Variants in RBKS observed in about 807,000 individuals in gnomAD.
RBKS encodes ribokinase.
RBKS carries 33 observed loss-of-function variants against 33.9 expected under a neutral mutation model. The ratio of observed to expected loss-of-function variants is 0.97; its 90% CI spans 0.74 to 1.30. The LOEUF is 1.30. RBKS is among the 50% of genes most tolerant of loss of function. The probability of loss-of-function intolerance (pLI) is 0.00; values close to 1 mark genes in which losing one functional copy is unlikely to be tolerated. For synonymous variants in RBKS, 125 were observed against 143.0 expected, an observed-to-expected ratio of 0.87 and a Z score of 0.90; for missense variants, 361 against 392.6, an observed-to-expected ratio of 0.92 and a Z score of 0.68.
intron 1 of RBKS, among the ~76,000 whole-genome samples, chr2:27,873,561 A>G (rs940953014): frequency 6.6e-6 from 1 of 152,248 alleles, no homozygotes; most frequent in East Asian, 1.9e-4. Flanking sequence ...TTGAAAATTT[A>G]GGTAACTAAA....
intron 7 of RBKS, among the ~76,000 whole-genome samples, chr2:27,811,992 C>A (rs1051491981): frequency 3.3e-5 from 5 of 152,174 alleles, no homozygotes; most frequent in African/African-American, 4.8e-5. Context: ...TCTTCCTAAG[C>A]AGTTTGGGTT....
At chr2:27,801,992 ATTTTTTTT>A (rs1179237576) in intron 7 of RBKS, among the ~76,000 whole-genome samples, 1 of 42,690 alleles carries the variant, frequency 2.3e-5, no homozygotes, top group Non-Finnish European at 3.7e-5. Context: ...ATATATATAT[ATTTTTTTT>A]TTTTTTTTTT....
At chr2:27,860,232 A>G (rs953695978) in intron 1 of RBKS, among the ~76,000 whole-genome samples, 1 of 152,216 alleles carries the variant, frequency 6.6e-6, no homozygotes, top group Non-Finnish European at 1.5e-5. Flanking sequence ...TTATCCTGTC[A>G]TTTAATTTAG....
At chr2:27,853,665 A>T (rs779419878) in intron 2 of RBKS, among the ~76,000 whole-genome samples, 11 of 152,158 alleles carry the variant, frequency 7.2e-5, no homozygotes, top group Non-Finnish European at 1.3e-4. Flanking sequence ...CTCAGAAAAA[A>T]ATAAAGACCT....
chr2:27,870,551 G>A (rs2148226038), intron 1 of RBKS: 1 of 344,468 alleles, frequency 2.9e-6, no homozygotes, highest in East Asian at 7.5e-5. Flanking sequence ...ACAGAGCTGT[G>A]CGAAGAGACG....
intron 7 of RBKS, among the ~76,000 whole-genome samples, chr2:27,783,279 C>T (rs549184783): frequency 1.3e-5 from 2 of 152,146 alleles, no homozygotes; most frequent in Admixed American, 1.3e-4. Flanking sequence ...CTCGCCTCTA[C>T]AAAAACAAAA....
At chr2:27,886,078 G>C (rs906636985) in intron 1 of RBKS, among the ~76,000 whole-genome samples, 6 of 152,338 alleles carry the variant, frequency 3.9e-5, no homozygotes, top group Admixed American at 2.0e-4. Context: ...TTAGAGATGA[G>C]TGTTCAAGAA....
intron 7 of RBKS, among the ~76,000 whole-genome samples, chr2:27,814,671 A>G (rs1367914736): frequency 1.3e-5 from 2 of 152,218 alleles, no homozygotes; most frequent in Admixed American, 6.5e-5. Flanking sequence ...ATGTCACTAT[A>G]ATCTTTTTCT....
At chr2:27,882,767 G>A (rs1471338658) in intron 1 of RBKS, among the ~76,000 whole-genome samples, 1 of 152,176 alleles carries the variant, frequency 6.6e-6, no homozygotes, top group Non-Finnish European at 1.5e-5. Context: ...ACGACATCAT[G>A]TACTTTGCCA....
chr2:27,865,274 C>T (rs534279687), intron 1 of RBKS, among the ~76,000 whole-genome samples: 10 of 152,242 alleles, frequency 6.6e-5, no homozygotes, highest in East Asian at 3.9e-4. Flanking sequence ...GAGCCGAGAT[C>T]GCGCCACTGA....
chr2:27,878,870 A>G (rs1202445017), intron 1 of RBKS, among the ~76,000 whole-genome samples: 1 of 152,050 alleles, frequency 6.6e-6, no homozygotes, highest in Non-Finnish European at 1.5e-5. Flanking sequence ...CCACTTTTTG[A>G]TGGGGTTGTT....
chr2:27,830,842 A>G (rs1254617353), intron 6 of RBKS, among the ~76,000 whole-genome samples: 1 of 152,194 alleles, frequency 6.6e-6, no homozygotes, highest in Non-Finnish European at 1.5e-5. Flanking sequence ...ATGAGTCAGA[A>G]GTGATGCCGT....
At position 27,781,795 on chromosome 2, in the gene RBKS, T is replaced by A; in HGVS notation, c.796-7A>T. The A allele has an allele frequency of 6.2e-7, 1 of 1,605,224 alleles. No homozygotes were observed. Among genetic ancestry groups the A allele is most frequent in the Non-Finnish European group, 8.5e-7 (1 of 1,176,006 alleles). The stretch of plus-strand genomic sequence containing the variant: ...CAAAGCTGTCACCAGCACCCTGTAA[T>A]TGAAAGCACAGTTTTGAAGATAAGC... On this transcript the variant is annotated splice_polypyrimidine_tract_variant and splice_region_variant and intron_variant, in intron 7 of 7. Transcript: ENST00000302188.
intron 7 of RBKS, among the ~76,000 whole-genome samples, chr2:27,793,731 T>G (rs1329569673): frequency 6.6e-6 from 1 of 152,216 alleles, no homozygotes; most frequent in East Asian, 1.9e-4. Flanking sequence ...CATATAAGAT[T>G]ATCTCCATGT....
chr2:27,783,626 G>T (rs1168601039), intron 7 of RBKS, among the ~76,000 whole-genome samples: 1 of 152,074 alleles, frequency 6.6e-6, no homozygotes, highest in African/African-American at 2.4e-5. Context: ...ACCATTCTTA[G>T]GCCGGGCGCA....
chr2:27,870,552 C>T (rs1664184150), intron 1 of RBKS: 5 of 343,150 alleles, frequency 1.5e-5, no homozygotes, highest in South Asian at 4.4e-5. Context: ...CAGAGCTGTG[C>T]GAAGAGACGT....
chr2:27,816,179 G>A (rs578154286), intron 7 of RBKS, among the ~76,000 whole-genome samples: 1 of 152,270 alleles, frequency 6.6e-6, no homozygotes, highest in South Asian at 2.1e-4. Flanking sequence ...GATTTCTAGA[G>A]CCCTGGGTAT....
At chr2:27,806,602 A>G (rs1429568479) in intron 7 of RBKS, among the ~76,000 whole-genome samples, 1 of 152,206 alleles carries the variant, frequency 6.6e-6, no homozygotes, top group East Asian at 1.9e-4. Flanking sequence ...GAACTGGAAC[A>G]CCTTGGTTAA....
chr2:27,792,006 A>AG (rs1200624424), intron 7 of RBKS, among the ~76,000 whole-genome samples: 4 of 152,004 alleles, frequency 2.6e-5, no homozygotes, highest in Admixed American at 2.0e-4. Context: ...AAGAAGGCAG[A>AG]GGGGTGGGTA....
Sources: gnomAD v4.1 joint callset for allele counts (sites outside exome capture counted in the v4.1 genomes callset) on GRCh38, gnomAD v4.1.1 for gene constraint, MANE v1.5 for transcripts, NCBI Gene and HGNC (gene_info 2026-07-23, HGNC 2026-07-21) for gene names.